The following SYNE1 variants were observed in gnomAD, a reference collection of about 807,000 sequenced individuals.
SYNE1 encodes nesprin-1.
Under a neutral mutation model 1,111.0 loss-of-function variants are expected in SYNE1, and 616 were observed. The ratio of observed to expected loss-of-function variants is 0.55; its 90% CI spans 0.52 to 0.59. SYNE1 has a LOEUF of 0.59. Ranked by LOEUF, SYNE1 falls within the 20% of genes least tolerant of loss-of-function variation. The pLI is 0.00. For missense variants in SYNE1, 10,006 were observed against 10,417.0 expected (o/e 0.96, Z 1.72); for synonymous variants, 3,855 against 3,825.8 (o/e 1.01, Z -0.28).
At position 152,278,182 on chromosome 6, in the gene SYNE1, G is replaced by C; in HGVS notation, c.18480C>G (p.Asp6160Glu). The C allele has an allele frequency of 6.2e-7, 1 of 1,614,114 alleles. No homozygotes were observed. Among genetic ancestry groups the C allele is most frequent in the African/African-American group, 1.3e-5 (1 of 75,022 alleles). ...LLLEGKAHTK[D>E]EAEQLAGKLR... ...GCTTTCCAGCCAGCTGCTCGGCCTC[G>C]TCCTTGGTGTGAGCTTTGCCCTCCA... The change falls in exon 98 of 146, where the codon GAC (aspartate) becomes GAG (glutamate). Residue 6160 changes from aspartate (D) to glutamate (E), a missense_variant. By Grantham distance (45) the Asp-to-Glu change is conservative. Transcript: ENST00000367255.
intron 96 of SYNE1, among the ~76,000 whole-genome samples, chr6:152,282,860 T>G (rs2094116767): frequency 6.6e-6 from 1 of 152,182 alleles, no homozygotes; most frequent in South Asian, 2.1e-4. Flanking sequence ...AATATATTAT[T>G]TGACTAATCA....
In SYNE1 at chr6:152,401,338, T is replaced by C. The variant is rs756167159; in HGVS notation, c.6829A>G (p.Ile2277Val). Reference protein sequence around the residue: ...NLETPPDLQFIEADLMQKLEH... With the variant: ...NLETPPDLQFVEADLMQKLEH... ...AGTTTCTGCATTAAGTCTGCTTCTATAAACTAAATATCAAGCAAGATTTCA... is the reference window on the plus strand; with the variant it reads ...AGTTTCTGCATTAAGTCTGCTTCTACAAACTAAATATCAAGCAAGATTTCA... Residue 2277 changes from isoleucine to valine, a missense_variant, in exon 47 of 146, where the codon ATA becomes GTA. This residue lies in a region of SYNE1 where 4,955 missense variants were observed against 5,017.2 expected (regional missense o/e 0.99). Coordinates refer to ENST00000367255, the MANE Select transcript of SYNE1 (RefSeq NM_182961.4). 9 of 1,613,204 alleles carry C rather than the reference T, an allele frequency of 5.6e-6. No individual in the cohort carries two copies. The highest frequency in any genetic ancestry group is 7.6e-6 in the Non-Finnish European group (9 of 1,179,912).
chr6:152,406,968 T>G, intron 45 of SYNE1, 46 bp downstream of exon 45: 1 of 1,521,676 alleles, frequency 6.6e-7, no homozygotes, highest in Non-Finnish European at 9.0e-7. Context: ...CATATTCTGG[T>G]CAACAATATG....
intron 24 of SYNE1, among the ~76,000 whole-genome samples, chr6:152,454,255 C>G (rs918097452): frequency 6.7e-6 from 1 of 148,472 alleles, no homozygotes; most frequent in African/African-American, 2.6e-5. Context: ...GGCACACATG[C>G]TAGCACCAAA....
intron 54 of SYNE1, among the ~76,000 whole-genome samples, chr6:152,386,656 TAAG>T (rs1291250751): frequency 1.3e-5 from 2 of 152,180 alleles, no homozygotes; most frequent in Non-Finnish European, 2.9e-5. Flanking sequence ...CCGTTTTTAC[TAAG>T]ATGAGAGATG....
Position 152,350,205 on chromosome 6 carries a change from C to A in SYNE1, c.11864G>T (p.Ser3955Ile), listed in dbSNP as rs139418821. The A allele has an allele frequency of 1.1e-4, 174 of 1,613,692 alleles. No homozygotes were observed. The highest frequency in any genetic ancestry group is 1.4e-4 in the Non-Finnish European group (165 of 1,179,986). ...CAATTGCTGGGTGATTGTCTCCAGG[C>A]TGCTTGTCTCCAGGAGGTCAGGTGC... ...LVAPDLLETS[S>I]LETITQQLAH... The change falls in exon 72 of 146, where the codon AGC becomes ATC. Residue 3955 changes from serine to isoleucine, a missense_variant. Ser to Ile is a moderately radical substitution (Grantham distance 142). This residue lies in a region of SYNE1 where 4,955 missense variants were observed against 5,017.2 expected (regional missense o/e 0.99). Transcript: ENST00000367255.
intron 104 of SYNE1, among the ~76,000 whole-genome samples, chr6:152,253,853 T>TTTTTTTTTTTTTTTG (rs2090138722): frequency 8.4e-6 from 1 of 118,844 alleles, no homozygotes; most frequent in Admixed American, 8.5e-5. Flanking sequence ...TTTTTTTTTT[T>TTTTTTTTTTTTTTTG]TTTTTTTGCA....
chr6:152,168,071 T>A (rs1339069640), intron 130 of SYNE1: 2 of 780,840 alleles, frequency 2.6e-6, no homozygotes, highest in Non-Finnish European at 4.8e-6. Context: ...CCACGTAACA[T>A]GAAAGCTATG....
Position 152,447,553 on chromosome 6 carries a change from T to C in SYNE1, c.3574A>G (p.Thr1192Ala). 6.2e-7 allele frequency: 1 copy of C among 1,614,196 alleles called. No homozygotes were observed. Among genetic ancestry groups the C allele is most frequent in the Non-Finnish European group, 8.5e-7 (1 of 1,180,036 alleles). ...GCTTCATTCTCAGAAGAAACTTCTG[T>C]CAAAACTTTCAGCCTGGATTTCAGC... ...SWLKSRLKVL[T>A]EVSSENEAQK... The change falls in exon 29 of 146, where the codon ACA (threonine) becomes GCA (alanine). Residue 1192 changes from threonine (T) to alanine (A), a missense_variant. Coordinates refer to ENST00000367255, the MANE Select transcript of SYNE1 (RefSeq NM_182961.4).
In SYNE1 at chr6:152,576,779, G is replaced by T. The variant is rs576568162; in HGVS notation, c.68-36758C>A. Among the ~76,000 whole-genome samples the T allele has an allele frequency of 2.0e-5, 3 of 152,254 alleles. No individual in the cohort carries two copies. The East Asian group carries it at 5.8e-4, about 29-fold the overall frequency. On this transcript the variant is annotated intron_variant, in intron 3 of 145. Coordinates refer to ENST00000367255, the MANE Select transcript of SYNE1 (RefSeq NM_182961.4). The stretch of plus-strand genomic sequence containing the variant: ...AGAATTAGTGGAAAAATCCAACTTT[G>T]AATTTGTGCTTCCCTGAGTGTAATC...
intron 3 of SYNE1, among the ~76,000 whole-genome samples, chr6:152,573,797 T>G (rs1294143603): frequency 6.6e-6 from 1 of 152,160 alleles, no homozygotes; most frequent in African/African-American, 2.4e-5. Context: ...ATGATCAAAC[T>G]AACAGTAACA....
At chr6:152,597,137 T>C (rs2099584286) in intron 3 of SYNE1, among the ~76,000 whole-genome samples, 1 of 152,250 alleles carries the variant, frequency 6.6e-6, no homozygotes, top group Non-Finnish European at 1.5e-5. Context: ...CTCTAGATAT[T>C]TTAGTAAACC....
chr6:152,230,487 C>T, intron 115 of SYNE1, 60 bp downstream of exon 115: 1 of 1,535,702 alleles, frequency 6.5e-7, no homozygotes, highest in South Asian at 1.1e-5. Flanking sequence ...GGCCTATAAA[C>T]ATATTAGCAT....
chr6:152,284,676 C>T (rs1234327759), intron 95 of SYNE1, among the ~76,000 whole-genome samples: 9 of 143,298 alleles, frequency 6.3e-5, no homozygotes, highest in African/African-American at 1.1e-4. Context: ...GTTGCCCAGG[C>T]TGGTCTCAAA....
chr6:152,323,075 G>C (rs950063558), intron 82 of SYNE1, among the ~76,000 whole-genome samples: 6 of 152,190 alleles, frequency 3.9e-5, no homozygotes, highest in African/African-American at 1.4e-4. Context: ...GATGGGAACG[G>C]ATCCCCACAT....
intron 3 of SYNE1, among the ~76,000 whole-genome samples, chr6:152,547,912 T>C (rs2099322159): frequency 2.0e-5 from 3 of 152,338 alleles, no homozygotes; most frequent in East Asian, 3.9e-4. Flanking sequence ...TTATCTGTCA[T>C]AATGGATGTG....
intron 131 of SYNE1, among the ~76,000 whole-genome samples, chr6:152,159,612 T>C (rs1182343028): frequency 6.6e-6 from 1 of 152,124 alleles, no homozygotes; most frequent in East Asian, 1.9e-4. Flanking sequence ...TTCTACCCTT[T>C]TTAATTTTTT....
chr6:152,362,537 A>G (rs973072628), intron 63 of SYNE1, among the ~76,000 whole-genome samples: 2 of 152,098 alleles, frequency 1.3e-5, no homozygotes, highest in East Asian at 3.9e-4. Flanking sequence ...ACCCAGGCCA[A>G]TATGCAGAAA....
chr6:152,246,326 G>C (rs778923704), intron 105 of SYNE1, among the ~76,000 whole-genome samples: 1 of 151,394 alleles, frequency 6.6e-6, no homozygotes, highest in Non-Finnish European at 1.5e-5. Flanking sequence ...TACAGGAAAA[G>C]TAGAACTTTA....
Sources: gnomAD v4.1 joint callset for allele counts (sites outside exome capture counted in the v4.1 genomes callset) on GRCh38, gnomAD v4.1.1 for gene constraint, gnomAD v4.1.1 regional missense constraint, MANE v1.5 for transcripts, NCBI Gene and HGNC (gene_info 2026-07-23, HGNC 2026-07-21) for gene names.